KAT6B: variants seen among roughly 807,000 people sequenced by gnomAD.
KAT6B encodes the protein histone acetyltransferase KAT6B.
In KAT6B, 10 loss-of-function variants were observed where a neutral mutation model predicts 187.5. The observed-to-expected ratio is 0.05, with a 90% confidence interval of 0.03 to 0.09. The LOEUF (loss-of-function observed/expected upper bound fraction) is 0.09. Ranked by LOEUF, KAT6B falls within the 10% of genes least tolerant of loss-of-function variation. The pLI is 1.00. For synonymous variants in KAT6B, 861 were observed against 926.8 expected, an observed-to-expected ratio of 0.93 and a Z score of 1.29; for missense variants, 1,952 against 2,558.9, an observed-to-expected ratio of 0.76 and a Z score of 5.12.
intron 4 of KAT6B, among the ~76,000 whole-genome samples, chr10:74,962,780 A>C (rs1372973677): frequency 6.6e-6 from 1 of 152,156 alleles, no homozygotes; most frequent in Non-Finnish European, 1.5e-5. Context: ...AAAGCCAATT[A>C]GAAATTTATC....
At chr10:74,847,176 G>A (rs1202536861) in intron 3 of KAT6B, among the ~76,000 whole-genome samples, 1 of 152,190 alleles carries the variant, frequency 6.6e-6, no homozygotes, top group East Asian at 1.9e-4. Context: ...CTCTTTTTAT[G>A]ATGCTGATCT....
intron 3 of KAT6B, among the ~76,000 whole-genome samples, chr10:74,909,581 CCTT>C (rs1286653450): frequency 6.6e-6 from 1 of 152,194 alleles, no homozygotes; most frequent in African/African-American, 2.4e-5. Context: ...TCCAGGCTCA[CCTT>C]CTCTGCCTCA....
At position 75,022,142 on chromosome 10, in the gene KAT6B, G is replaced by C; in HGVS notation, c.3283G>C (p.Glu1095Gln). The C allele has an allele frequency of 6.3e-7, 1 of 1,585,464 alleles. No individual in the cohort carries two copies. Among genetic ancestry groups the C allele is most frequent in the Non-Finnish European group, 8.5e-7 (1 of 1,178,116 alleles). The change falls in exon 16 of 18, where the codon GAA (glutamate) becomes CAA (glutamine). Residue 1095 changes from glutamate to glutamine, a missense_variant. Glu to Gln is a conservative substitution (Grantham distance 29). Transcript: ENST00000287239. ...AGAGGAAGAGGATGAAGAGGAGGAA[G>C]AAGAGGAAGAAGAAGAAGAAGAAGA... is the stretch of plus-strand genomic sequence containing the variant. ...EEEEEDEEEE[E>Q]EEEEEEEEEN... is the part of the protein sequence containing the mutation.
intron 4 of KAT6B, 39 bp downstream of exon 4, chr10:74,960,117 C>A: frequency 1.7e-6 from 2 of 1,204,192 alleles, no homozygotes; most frequent in South Asian, 2.4e-5. Flanking sequence ...CAATGACTTC[C>A]CATTATCATA....
intron 3 of KAT6B, among the ~76,000 whole-genome samples, chr10:74,874,744 T>C (rs1844278512): frequency 6.6e-6 from 1 of 152,272 alleles, no homozygotes; most frequent in Middle Eastern, 3.4e-3. Context: ...TATTGAGTAC[T>C]TGCTGTGTGC....
chr10:74,902,594 T>A (rs1417721205), intron 3 of KAT6B, among the ~76,000 whole-genome samples: 1 of 152,244 alleles, frequency 6.6e-6, no homozygotes, highest in Non-Finnish European at 1.5e-5. Context: ...TTTTTTTGCT[T>A]GTTTATACAT....
chr10:74,978,434 G>A (rs922514540), intron 9 of KAT6B, among the ~76,000 whole-genome samples: 1 of 152,106 alleles, frequency 6.6e-6, no homozygotes, highest in Non-Finnish European at 1.5e-5. Context: ...CAACACAGCA[G>A]GATGCCACCT....
At chr10:74,828,628 C>A (rs1290480802) in intron 1 of KAT6B, among the ~76,000 whole-genome samples, 1 of 133,910 alleles carries the variant, frequency 7.5e-6, no homozygotes, top group Non-Finnish European at 1.5e-5. Flanking sequence ...AGTGCAGTGG[C>A]GCCATCTCGG....
intron 3 of KAT6B, among the ~76,000 whole-genome samples, chr10:74,935,776 T>G (rs1037639433): frequency 3.9e-5 from 6 of 152,220 alleles, no homozygotes; most frequent in African/African-American, 1.4e-4. Context: ...GAGCGCCATG[T>G]GTATGTATGG....
At chr10:74,831,056 T>G (rs1487593932) in intron 1 of KAT6B, among the ~76,000 whole-genome samples, 2 of 152,044 alleles carry the variant, frequency 1.3e-5, no homozygotes, top group Admixed American at 1.3e-4. Context: ...CCCAAAGTGC[T>G]GGGATTACAG....
At chr10:74,945,764 TA>T (rs1839907708) in intron 3 of KAT6B, among the ~76,000 whole-genome samples, 2 of 152,350 alleles carry the variant, frequency 1.3e-5, no homozygotes, top group South Asian at 4.1e-4. Context: ...GCCCAAACTT[TA>T]AAAGGTTGCG....
chr10:74,864,240 T>C (rs1843393363), intron 3 of KAT6B, among the ~76,000 whole-genome samples: 2 of 151,880 alleles, frequency 1.3e-5, no homozygotes, highest in South Asian at 2.1e-4. Context: ...AGCTAATTTT[T>C]GTATTTTTTG....
intron 3 of KAT6B, among the ~76,000 whole-genome samples, chr10:74,906,815 G>C (rs1457800618): frequency 6.6e-6 from 1 of 152,134 alleles, no homozygotes; most frequent in Non-Finnish European, 1.5e-5. Flanking sequence ...ATTGTCTCCT[G>C]TTCCTGCTGG....
At chr10:74,918,010 A>G (rs1353066802) in intron 3 of KAT6B, among the ~76,000 whole-genome samples, 2 of 152,208 alleles carry the variant, frequency 1.3e-5, no homozygotes, top group Non-Finnish European at 2.9e-5. Context: ...GTTTTGGCTT[A>G]AATTTTTTTT....
At chr10:74,981,306 T>TCTTTCTTCCTTCCTTC (rs1554836803) in intron 10 of KAT6B, among the ~76,000 whole-genome samples, 79 of 140,018 alleles carry the variant, frequency 5.6e-4, no homozygotes, top group African/African-American at 2.0e-3. Context: ...TTTCTTTCTT[T>TCTTTCTTCCTTCCTTC]CTTCCTTCCT....
chr10:74,915,160 T>C (rs566791001), intron 3 of KAT6B, among the ~76,000 whole-genome samples: 40 of 152,338 alleles, frequency 2.6e-4, no homozygotes, highest in African/African-American at 9.4e-4. Flanking sequence ...TGTTTCTTCA[T>C]AGTGATGATA....
Position 75,021,241 on chromosome 10 carries a change from T to C in KAT6B, c.2977T>C (p.Ser993Pro). 1 of 1,614,218 alleles carries C rather than the reference T, an allele frequency of 6.2e-7. No individual in the cohort carries two copies. Among genetic ancestry groups the C allele is most frequent in the Non-Finnish European group, 8.5e-7 (1 of 1,180,030 alleles). ...TCTGAGGTGGACCCCAATTTTAATT[T>C]CTAATGCTGCAGTGTCTGAAGAAGA... ...DSLRWTPILI[S>P]NAAVSEEERE... Residue 993 changes from serine to proline, a missense_variant, in exon 15 of 18, where the codon TCT becomes CCT. Ser to Pro is a moderately conservative substitution (Grantham distance 74, BLOSUM62 -1). This residue lies in a region of KAT6B where 758 missense variants were observed against 891.4 expected (regional missense o/e 0.85). Transcript: ENST00000287239.
At chr10:74,944,550 C>T (rs1400936253) in intron 3 of KAT6B, among the ~76,000 whole-genome samples, 2 of 152,162 alleles carry the variant, frequency 1.3e-5, no homozygotes, top group Admixed American at 1.3e-4. Context: ...GTGGCTCACG[C>T]CTGTAATCCA....
Position 74,975,437 on chromosome 10 carries a change from C to G in KAT6B, c.1100C>G (p.Thr367Arg). ...TSDEGSMNAF[T>R]GRGSPGRGQK... ...GATGAAGGATCCATGAATGCATTCACAGGAAGGGGGTCACCTGGTAGGGGT... is the reference window on the plus strand; with the variant it reads ...GATGAAGGATCCATGAATGCATTCAGAGGAAGGGGGTCACCTGGTAGGGGT... Residue 367 changes from threonine (T) to arginine (R), a missense_variant, in exon 8 of 18, where the codon ACA (threonine) becomes AGA (arginine). Transcript: ENST00000287239. 2 of 1,614,144 alleles carry G rather than the reference C, an allele frequency of 1.2e-6. No individual in the cohort carries two copies. Among genetic ancestry groups the G allele is most frequent in the South Asian group, 1.1e-5 (1 of 91,082 alleles).
Sources: gnomAD v4.1 joint callset for allele counts (sites outside exome capture counted in the v4.1 genomes callset) on GRCh38, gnomAD v4.1.1 for gene constraint, gnomAD v4.1.1 regional missense constraint, MANE v1.5 for transcripts, NCBI Gene and HGNC (gene_info 2026-07-23, HGNC 2026-07-21) for gene names.